Variants in RREB1 observed in about 807,000 individuals in gnomAD.
The protein encoded by RREB1 is ras-responsive element-binding protein 1.
RREB1 carries 27 observed loss-of-function variants against 117.8 expected under a neutral mutation model. The observed-to-expected ratio is 0.23, with a 90% CI of 0.17 to 0.32. RREB1 has a LOEUF of 0.32. RREB1 is among the 10% of genes least tolerant of loss of function. The pLI, the probability that RREB1 is intolerant of heterozygous loss-of-function variation, is 1.00. For synonymous variants in RREB1, 1,298 were observed against 1,026.7 expected, an observed-to-expected ratio of 1.26 and a Z score of -5.05; for missense variants, 2,577 against 2,378.2, an observed-to-expected ratio of 1.08 and a Z score of -1.74.
At chr6:7,201,235 T>A (rs963482221) in intron 6 of RREB1, among the ~76,000 whole-genome samples, 3 of 152,206 alleles carry the variant, frequency 2.0e-5, no homozygotes, top group Non-Finnish European at 4.4e-5. Flanking sequence ...TTTAGTTTCA[T>A]AACTCGAAAG....
intron 1 of RREB1, among the ~76,000 whole-genome samples, chr6:7,144,979 CATAGTT>C (rs1327792502): frequency 2.6e-5 from 4 of 152,172 alleles, no homozygotes; most frequent in Admixed American, 6.5e-5. Flanking sequence ...GACATACAAA[CATAGTT>C]AAGGGGGGAA....
chr6:7,109,028 G>T (rs996575072), intron 1 of RREB1, among the ~76,000 whole-genome samples: 1 of 151,742 alleles, frequency 6.6e-6, no homozygotes, highest in Non-Finnish European at 1.5e-5. Context: ...CGCGGGCGGG[G>T]GGGGTGGGGG....
intron 1 of RREB1, among the ~76,000 whole-genome samples, chr6:7,143,093 T>TA (rs756991928): frequency 6.6e-6 from 1 of 152,148 alleles, no homozygotes; most frequent in Non-Finnish European, 1.5e-5. Context: ...TTGGGGAAAA[T>TA]ACAGCTAAAA....
intron 10 of RREB1, among the ~76,000 whole-genome samples, chr6:7,238,421 G>T (rs949336806): frequency 6.6e-6 from 1 of 152,142 alleles, no homozygotes; most frequent in Admixed American, 6.5e-5. Flanking sequence ...ATTTTTAGTA[G>T]AGATGGGGTT....
chr6:7,164,138 A>G (rs1400058229), intron 1 of RREB1, among the ~76,000 whole-genome samples: 1 of 152,144 alleles, frequency 6.6e-6, no homozygotes, highest in South Asian at 2.1e-4. Context: ...ATCTAGACTC[A>G]TAAAAAAAAA....
chr6:7,188,254 C>CGCGTGTGTGTGTGTGT (rs1554122423), intron 5 of RREB1, among the ~76,000 whole-genome samples: 8 of 141,398 alleles, frequency 5.7e-5, no homozygotes, highest in African/African-American at 2.1e-4. Flanking sequence ...TGTGTGTGTG[C>CGCGTGTGTGTGTGTGT]GCGCGCGCAC....
chr6:7,246,316 T>G, intron 11 of RREB1, 108 bp from the exon 12 acceptor site: 1 of 965,092 alleles, frequency 1.0e-6, no homozygotes. Flanking sequence ...CTCACTGGTT[T>G]GGGGTTCAGG....
At chr6:7,136,608 T>G (rs114599892) in intron 1 of RREB1, among the ~76,000 whole-genome samples, 2,014 of 152,300 alleles carry the variant, frequency 0.013, 21 homozygotes, top group Non-Finnish European at 0.022. Flanking sequence ...GTCATGAATA[T>G]ATAATTAACT....
Position 7,182,053 on chromosome 6 carries a change from G to A in RREB1, c.142G>A (p.Gly48Arg). 6.2e-7 allele frequency: 1 copy of A among 1,614,162 alleles called. No individual in the cohort carries two copies. The highest frequency in any genetic ancestry group is 8.5e-7 in the Non-Finnish European group (1 of 1,180,020). Residue 48 changes from glycine (G) to arginine (R), a missense_variant, in exon 4 of 13, where the codon GGA (glycine) becomes AGA (arginine). Physicochemically the swap from Gly to Arg is moderately radical, Grantham distance 125 (BLOSUM62 -2). Coordinates refer to ENST00000379938, the MANE Select transcript of RREB1 (RefSeq NM_001003699.4). Reference protein sequence around the residue: ...QGIKSPSKPPGPNRIGRRNQE... With the variant: ...QGIKSPSKPPRPNRIGRRNQE... Reference sequence around the variant, plus strand: ...GATCAAGTCCCCCTCGAAGCCTCCAGGACCAAATCGGATTGGCAGAAGGAA... The same window carrying A: ...GATCAAGTCCCCCTCGAAGCCTCCAAGACCAAATCGGATTGGCAGAAGGAA...
At chr6:7,134,992 G>A (rs1326312459) in intron 1 of RREB1, among the ~76,000 whole-genome samples, 2 of 152,140 alleles carry the variant, frequency 1.3e-5, no homozygotes, top group South Asian at 4.1e-4. Context: ...TATTGGGAAA[G>A]AGAATGCAAT....
intron 6 of RREB1, among the ~76,000 whole-genome samples, chr6:7,193,601 T>TTTTTG (rs561592143): frequency 6.6e-6 from 1 of 152,212 alleles, no homozygotes; most frequent in Non-Finnish European, 1.5e-5. Context: ...ATTTGTTGTT[T>TTTTTG]TTTTGTTTTG....
chr6:7,181,061 G>T (rs1764769620), intron 2 of RREB1, 63 bp from the exon 3 acceptor site: 2 of 396,724 alleles, frequency 5.0e-6, no homozygotes, highest in South Asian at 1.4e-4. Flanking sequence ...GCCAATAAAT[G>T]ATTTCAGTTT....
At chr6:7,227,795 A>G (rs1387286585) in intron 9 of RREB1, among the ~76,000 whole-genome samples, 3 of 152,028 alleles carry the variant, frequency 2.0e-5, no homozygotes, top group Non-Finnish European at 2.9e-5. Context: ...GCTGGGCACA[A>G]TGGCTCATAC....
chr6:7,112,517 G>A (rs557528881), intron 1 of RREB1, among the ~76,000 whole-genome samples: 24 of 152,280 alleles, frequency 1.6e-4, no homozygotes, highest in African/African-American at 5.5e-4. Flanking sequence ...AAGTAGCCAT[G>A]GCAGTTTTCA....
At chr6:7,127,754 A>G (rs3863228) in intron 1 of RREB1, among the ~76,000 whole-genome samples, 70,762 of 152,028 alleles carry the variant, frequency 0.47, 19,821 homozygotes, top group Non-Finnish European at 0.63. Flanking sequence ...GTCTGGTGGA[A>G]ATAGAATCTG....
intron 1 of RREB1, among the ~76,000 whole-genome samples, chr6:7,170,243 T>A (rs1194786009): frequency 6.6e-6 from 1 of 152,200 alleles, no homozygotes; most frequent in Non-Finnish European, 1.5e-5. Flanking sequence ...TTTTCCTTCC[T>A]CCACCCTCTG....
At chr6:7,175,995 G>A (rs925079714) in intron 1 of RREB1, among the ~76,000 whole-genome samples, 1 of 152,184 alleles carries the variant, frequency 6.6e-6, no homozygotes, top group Non-Finnish European at 1.5e-5. Context: ...TCAGCTTACT[G>A]AAACCTCTGC....
intron 6 of RREB1, among the ~76,000 whole-genome samples, chr6:7,206,096 T>TA (rs1232393150): frequency 6.6e-6 from 1 of 152,244 alleles, no homozygotes; most frequent in Non-Finnish European, 1.5e-5. Flanking sequence ...TTCCTACTGT[T>TA]AAAGTGTCAT....
chr6:7,234,265 T>A (rs1561801513), intron 10 of RREB1, among the ~76,000 whole-genome samples: 1 of 152,212 alleles, frequency 6.6e-6, no homozygotes, highest in Non-Finnish European at 1.5e-5. Flanking sequence ...GTTTATCGCC[T>A]ACTGAGAGTT....
Sources: allele counts gnomAD v4.1 joint callset (sites outside exome capture counted in the v4.1 genomes callset), GRCh38; gene constraint gnomAD v4.1.1; transcripts MANE v1.5; gene names NCBI Gene and HGNC (gene_info 2026-07-23, HGNC 2026-07-21).